The following NCOA5 variants were observed in gnomAD, a reference collection of about 807,000 sequenced individuals.
NCOA5 encodes the protein NCoA-5.
Under a neutral mutation model 59.0 loss-of-function variants are expected in NCOA5, and 12 were observed. That is an observed-to-expected ratio of 0.20 (90% CI 0.13 to 0.33). The LOEUF is 0.33. NCOA5 is among the 10% of genes least tolerant of loss of function. NCOA5 has a pLI of 1.00. For missense variants in NCOA5, 655 were observed against 766.6 expected (o/e 0.85, Z 1.72); for synonymous variants, 270 against 275.5 (o/e 0.98, Z 0.20).
intron 4 of NCOA5, 125 bp downstream of exon 4, chr20:46,068,377 C>T (rs918570619): frequency 3.1e-5 from 31 of 988,402 alleles, no homozygotes; most frequent in Non-Finnish European, 4.3e-5. Flanking sequence ...TATATTTCTT[C>T]TTTTTATACA....
At position 46,062,814 on chromosome 20, in the gene NCOA5, T is replaced by A. The variant is rs764715526; in HGVS notation, c.1226A>T (p.Gln409Leu). The A allele has an allele frequency of 6.4e-7, 1 of 1,558,508 alleles. No individual in the cohort carries two copies. The highest frequency in any genetic ancestry group is 8.7e-7 in the Non-Finnish European group (1 of 1,151,186). Residue 409 changes from glutamine to leucine, a missense_variant, in exon 8 of 8, where the codon CAG (glutamine) becomes CTG (leucine). Transcript: ENST00000290231. Reference protein sequence around the residue: ...LKTQPSSQPLQSGQVLPSATP... With the variant: ...LKTQPSSQPLLSGQVLPSATP... The stretch of plus-strand genomic sequence containing the variant: ...AGCAGAGGGGAGCACTTGGCCGCTC[T>A]GGAGCGGTTGGGAGCTTGGCTGTGT...
Position 46,065,182 on chromosome 20 carries a change from C to G in NCOA5, c.676G>C (p.Val226Leu). 2 of 1,614,206 alleles carry G rather than the reference C, an allele frequency of 1.2e-6. No homozygotes were observed. The highest frequency in any genetic ancestry group is 1.7e-6 in the Non-Finnish European group (2 of 1,180,044). Residue 226 changes from valine to leucine, a missense_variant, in exon 6 of 8, where the codon GTA becomes CTA. By Grantham distance (32) the Val-to-Leu change is conservative (BLOSUM62 1). Coordinates refer to ENST00000290231, the MANE Select transcript of NCOA5 (RefSeq NM_020967.3). The stretch of plus-strand genomic sequence containing the variant: ...GTGTTAAGGAAGATCAAGTCCACTA[C>G]CATGCCCAGGTCTCGCACCTTCCGC... The part of the protein sequence containing the change: ...VGRKVRDLGM[V>L]VDLIFLNTEV...
At position 46,069,087 on chromosome 20, in the gene NCOA5, C is replaced by T. The variant is rs186596847; in HGVS notation, c.366-449G>A. On this transcript the variant is annotated intron_variant, in intron 3 of 7. Coordinates refer to ENST00000290231, the MANE Select transcript of NCOA5 (RefSeq NM_020967.3). The stretch of plus-strand genomic sequence containing the variant: ...TCGGCCTCCCAAAGTGCTGGGATTA[C>T]AGGCGTGAGCCACTGCGCCTGGCCT... Among the ~76,000 whole-genome samples, 94 of 152,152 alleles carry T rather than the reference C, an allele frequency of 6.2e-4. No homozygotes were observed. The East Asian group carries it at 0.016, about 26-fold the overall frequency.
rs552949694 is a variant in NCOA5, at chr20:46,061,646, T to C, written c.*654A>G. On this transcript the variant is annotated 3_prime_UTR_variant, in exon 8 of 8. Transcript: ENST00000290231. ...GTTCAGTCCATTGGAGATCTTCCAA[T>C]GAAATGAAAACAAAAAAGAAAAGAG... 6.6e-6 allele frequency: 1 copy of C among 152,414 alleles called. No individual in the cohort carries two copies. Among genetic ancestry groups the C allele is most frequent in the South Asian group, 2.1e-4 (1 of 4,816 alleles). 9.4% of individuals were successfully genotyped at this position (152,414 alleles called of 1,614,324 possible).
chr20:46,062,721 T>G lies in NCOA5; in HGVS notation c.1319A>C (p.Asn440Thr). 2 of 1,613,868 alleles carry G rather than the reference T, an allele frequency of 1.2e-6. No homozygotes were observed. The highest frequency in any genetic ancestry group is 1.7e-6 in the Non-Finnish European group (2 of 1,179,830). The change falls in exon 8 of 8, where the codon AAT (asparagine) becomes ACT (threonine). Residue 440 changes from asparagine to threonine, a missense_variant. Transcript: ENST00000290231. The stretch of plus-strand genomic sequence containing the variant: ...GCTATTGGCCGTCACTGTGCCACTA[T>G]TGAAGAGGCTGAGGATTTTGGCCTG... ...ELQAKILSLF[N>T]SGTVTANSSS...
At position 46,067,197 on chromosome 20, in the gene NCOA5, A is replaced by G. The variant is rs754861646; in HGVS notation, c.503-16T>C. 4 of 1,609,706 alleles carry G rather than the reference A, an allele frequency of 2.5e-6. No homozygotes were observed. Among genetic ancestry groups the G allele is most frequent in the Non-Finnish European group, 3.4e-6 (4 of 1,178,556 alleles). ...TTCAAACGCTCTGCAAAACACCACC[A>G]GGGTAAACTGAAATAAGGACTGGAC... On this transcript the variant is annotated splice_polypyrimidine_tract_variant and intron_variant, in intron 4 of 7. Transcript: ENST00000290231.
chr20:46,083,551 T>C (rs954020599), intron 1 of NCOA5, among the ~76,000 whole-genome samples: 28 of 152,226 alleles, frequency 1.8e-4, no homozygotes, highest in African/African-American at 6.5e-4. Context: ...ATTTTGTCTT[T>C]TGACAGCCAC....
At chr20:46,081,870 C>T (rs1166634407) in intron 1 of NCOA5, among the ~76,000 whole-genome samples, 2 of 151,788 alleles carry the variant, frequency 1.3e-5, no homozygotes, top group African/African-American at 2.4e-5. Context: ...AACATTACTG[C>T]CAATCCCCAT....
intron 1 of NCOA5, among the ~76,000 whole-genome samples, chr20:46,089,140 G>A (rs1331544754): frequency 6.6e-6 from 1 of 152,230 alleles, no homozygotes; most frequent in African/African-American, 2.4e-5. Context: ...GGCGGGGAGC[G>A]GACAGTGCCC....
intron 3 of NCOA5, among the ~76,000 whole-genome samples, chr20:46,069,906 T>A (rs186655029): frequency 6.6e-6 from 1 of 152,196 alleles, no homozygotes; most frequent in Admixed American, 6.5e-5. Context: ...AATTCTATGT[T>A]TAACTTTTTA....
chr20:46,084,644 T>C (rs1449578531), intron 1 of NCOA5, among the ~76,000 whole-genome samples: 1 of 152,230 alleles, frequency 6.6e-6, no homozygotes, highest in East Asian at 1.9e-4. Flanking sequence ...CTGTGGTCCT[T>C]ACTTTGGGAA....
intron 2 of NCOA5, among the ~76,000 whole-genome samples, chr20:46,079,004 G>A (rs2084966481): frequency 6.6e-6 from 1 of 152,156 alleles, no homozygotes; most frequent in Non-Finnish European, 1.5e-5. Flanking sequence ...GCAGCCATTT[G>A]GAATGAAGAG....
intron 1 of NCOA5, among the ~76,000 whole-genome samples, chr20:46,087,155 T>TG (rs1387623618): frequency 2.6e-5 from 4 of 152,228 alleles, no homozygotes; most frequent in Admixed American, 2.6e-4. Flanking sequence ...CTACTGGCTG[T>TG]ATGTTATTAT....
At chr20:46,064,089 A>G (rs1238470880) in intron 6 of NCOA5, among the ~76,000 whole-genome samples, 2 of 152,168 alleles carry the variant, frequency 1.3e-5, no homozygotes, top group Admixed American at 1.3e-4. Context: ...GCTCCTCAGG[A>G]CAGAGCTGGC....
chr20:46,063,287 C>A, intron 7 of NCOA5, 73 bp downstream of exon 7: 1 of 1,496,286 alleles, frequency 6.7e-7, no homozygotes, highest in Non-Finnish European at 9.0e-7. Context: ...GGGCCTGACA[C>A]CCTCCCAACA....
chr20:46,081,834 G>C (rs1257284456), intron 1 of NCOA5, among the ~76,000 whole-genome samples: 1 of 151,580 alleles, frequency 6.6e-6, no homozygotes, highest in East Asian at 1.9e-4. Flanking sequence ...GGAGTTTTCA[G>C]TGAGAGTTGT....
chr20:46,068,194 A>G lies in NCOA5; in HGVS notation c.502+308T>C, dbSNP rs181015573. On this transcript the variant is annotated intron_variant, in intron 4 of 7. Coordinates refer to ENST00000290231, the MANE Select transcript of NCOA5 (RefSeq NM_020967.3). ...AGTGATCTGCCGGCCTTGGCCTTCC[A>G]AAGTGCTAGGATTACAGGTGGTGGC... Among the ~76,000 whole-genome samples the G allele has an allele frequency of 1.2e-4, 19 of 152,260 alleles. 1 individual carries two copies. The highest frequency in any genetic ancestry group is 1.0e-3 in the Admixed American group (16 of 15,298).
At chr20:46,072,678 AG>A (rs2084895394) in intron 2 of NCOA5, among the ~76,000 whole-genome samples, 1 of 152,206 alleles carries the variant, frequency 6.6e-6, no homozygotes, top group African/African-American at 2.4e-5. Flanking sequence ...CGTGAGTAGC[AG>A]GAAGAGATCT....
chr20:46,064,627 C>G (rs940686668), intron 6 of NCOA5, among the ~76,000 whole-genome samples: 2 of 152,220 alleles, frequency 1.3e-5, no homozygotes, highest in African/African-American at 4.8e-5. Flanking sequence ...TGTGCTGGAG[C>G]CAGATCTCAG....
Sources: gnomAD v4.1 joint callset for allele counts (sites outside exome capture counted in the v4.1 genomes callset) on GRCh38, gnomAD v4.1.1 for gene constraint, MANE v1.5 for transcripts, NCBI Gene and HGNC (gene_info 2026-07-23, HGNC 2026-07-21) for gene names.